The following NTM variants were observed in gnomAD, a reference collection of about 807,000 sequenced individuals.
The protein encoded by NTM is neurotrimin.
A neutral mutation model predicts 42.1 loss-of-function variants in NTM; 13 were observed. That is an observed-to-expected ratio of 0.31 (90% CI 0.20 to 0.49). The LOEUF is 0.49. NTM is among the 20% of genes least tolerant of loss of function. NTM has a pLI of 0.99. For synonymous variants in NTM, 187 were observed against 179.2 expected (o/e 1.04, Z -0.35); for missense variants, 373 against 452.8 (o/e 0.82, Z 1.60).
chr11:132,073,931 G>C (rs552276603), intron 2 of NTM, among the ~76,000 whole-genome samples: 1 of 152,304 alleles, frequency 6.6e-6, no homozygotes, highest in East Asian at 1.9e-4. Context: ...AGAGGACACT[G>C]TAGGTCTGCT....
chr11:131,803,957 G>A (rs1184304810), intron 1 of NTM, among the ~76,000 whole-genome samples: 1 of 152,152 alleles, frequency 6.6e-6, no homozygotes, highest in African/African-American at 2.4e-5. Context: ...TCTGTTTCCA[G>A]CCTTGACTAT....
chr11:131,476,970 G>A (rs1054003521), intron 1 of NTM, among the ~76,000 whole-genome samples: 3 of 152,038 alleles, frequency 2.0e-5, no homozygotes, highest in Non-Finnish European at 4.4e-5. Context: ...GAGGAACTTA[G>A]GGGGCACTTG....
At chr11:131,598,107 C>T (rs890714979) in intron 1 of NTM, among the ~76,000 whole-genome samples, 7 of 152,216 alleles carry the variant, frequency 4.6e-5, no homozygotes, top group Non-Finnish European at 1.0e-4. Flanking sequence ...AGACCCTGCC[C>T]TTTCCAGGCT....
At chr11:131,703,377 A>C (rs1221451314) in intron 1 of NTM, among the ~76,000 whole-genome samples, 1 of 152,232 alleles carries the variant, frequency 6.6e-6, no homozygotes, top group Non-Finnish European at 1.5e-5. Context: ...ATGTTTTTAA[A>C]AATGTAGAAG....
chr11:131,931,468 C>CGTGTGG, intron 2 of NTM, among the ~76,000 whole-genome samples: 1 of 142,604 alleles, frequency 7.0e-6, no homozygotes, highest in Non-Finnish European at 1.5e-5. Context: ...ATAATATATA[C>CGTGTGG]GTGTGTGTGT....
intron 1 of NTM, among the ~76,000 whole-genome samples, chr11:131,864,841 G>C (rs1850059179): frequency 6.6e-6 from 1 of 152,192 alleles, no homozygotes; most frequent in Non-Finnish European, 1.5e-5. Context: ...CTAATGTTGA[G>C]CTGATATCTG....
chr11:131,874,030 A>ATATATATATATATATATATATATATAT (rs1555162935), intron 1 of NTM, among the ~76,000 whole-genome samples: 3 of 76,638 alleles, frequency 3.9e-5, no homozygotes, highest in South Asian at 3.7e-4. Flanking sequence ...AATATAATAT[A>ATATATATATATATATATATATATATAT]ATATATATAT....
At chr11:131,559,902 G>T (rs1012969452) in intron 1 of NTM, among the ~76,000 whole-genome samples, 1 of 152,158 alleles carries the variant, frequency 6.6e-6, no homozygotes, top group Non-Finnish European at 1.5e-5. Flanking sequence ...TAACTGCAAA[G>T]GTGGGTGGGA....
At chr11:132,308,091 A>G (rs981950642) in intron 5 of NTM, among the ~76,000 whole-genome samples, 7 of 152,240 alleles carry the variant, frequency 4.6e-5, no homozygotes, top group African/African-American at 1.7e-4. Flanking sequence ...AGATCATTAA[A>G]TGGCATTCAG....
chr11:131,814,715 G>A (rs1354141721), intron 1 of NTM, among the ~76,000 whole-genome samples: 1 of 152,156 alleles, frequency 6.6e-6, no homozygotes, highest in African/African-American at 2.4e-5. Flanking sequence ...TGCGCGTCTT[G>A]CGTTTTGCCT....
intron 2 of NTM, among the ~76,000 whole-genome samples, chr11:132,112,027 A>G (rs1303249349): frequency 1.3e-5 from 2 of 152,244 alleles, no homozygotes; most frequent in African/African-American, 4.8e-5. Flanking sequence ...TCTGCCATAC[A>G]ACAAAAGGTC....
At chr11:131,853,206 G>A (rs1049634495) in intron 1 of NTM, among the ~76,000 whole-genome samples, 1 of 151,868 alleles carries the variant, frequency 6.6e-6, no homozygotes, top group African/African-American at 2.4e-5. Context: ...TACACAGTCT[G>A]AGCACCATAA....
At chr11:131,944,659 A>G (rs1445913943) in intron 2 of NTM, among the ~76,000 whole-genome samples, 1 of 152,180 alleles carries the variant, frequency 6.6e-6, no homozygotes, top group Admixed American at 6.5e-5. Context: ...AATGAGGATG[A>G]GCATGCTTAG....
At chr11:131,597,756 G>T (rs139510837) in intron 1 of NTM, among the ~76,000 whole-genome samples, 86 of 152,260 alleles carry the variant, frequency 5.6e-4, no homozygotes, top group African/African-American at 2.0e-3. Context: ...TCCTACCGTC[G>T]GTCTGTGGAT....
intron 1 of NTM, among the ~76,000 whole-genome samples, chr11:131,521,113 A>G (rs2049597876): frequency 6.6e-6 from 1 of 151,872 alleles, no homozygotes; most frequent in Non-Finnish European, 1.5e-5. Flanking sequence ...TCACGAGGTC[A>G]GGAGTTTGAG....
At chr11:131,376,809 C>T (rs7116018) in intron 1 of NTM, among the ~76,000 whole-genome samples, 110,529 of 151,962 alleles carry the variant, frequency 0.73, 41,212 homozygotes, top group African/African-American at 0.89. Flanking sequence ...CTTGGAAGCG[C>T]CACCAAACTC....
At chr11:131,995,939 G>A (rs2067929593) in intron 2 of NTM, among the ~76,000 whole-genome samples, 1 of 152,154 alleles carries the variant, frequency 6.6e-6, no homozygotes, top group Non-Finnish European at 1.5e-5. Context: ...TGGTGACCTG[G>A]TGAGTTTCAG....
chr11:132,175,376 A>G (rs180821268), intron 3 of NTM, among the ~76,000 whole-genome samples: 237 of 152,260 alleles, frequency 1.6e-3, no homozygotes, highest in African/African-American at 5.2e-3. Flanking sequence ...CACCAGCTCC[A>G]TAAGCATTAG....
In NTM at chr11:131,789,465, A is replaced by G. The variant is rs1474162866; in HGVS notation, c.83-122099A>G. 3.6e-4 allele frequency among the ~76,000 whole-genome samples: 5 copies of G among 14,016 alleles called. 1 individual carries two copies. The highest frequency in any genetic ancestry group is 1.1e-3 in the African/African-American group (4 of 3,518). The allele number at this position is 14,016 out of a possible 152,430, so 9.2% of individuals were successfully genotyped here. ...AAGAAGAAGAAGAAGAAGAAGAAGA[A>G]GAAGAAGAAGAAGAAGAAGAAGAAG... On this transcript the variant is annotated intron_variant, in intron 1 of 8. Coordinates refer to ENST00000683400, the MANE Select transcript of NTM (RefSeq NM_001352005.2).
Sources: gnomAD v4.1 joint callset for allele counts (sites outside exome capture counted in the v4.1 genomes callset) on GRCh38, gnomAD v4.1.1 for gene constraint, MANE v1.5 for transcripts, NCBI Gene and HGNC (gene_info 2026-07-23, HGNC 2026-07-21) for gene names.